Variants in RETREG1 observed in about 807,000 individuals in gnomAD.
RETREG1 encodes family with sequence similarity 134 member B.
RETREG1 carries 44 observed loss-of-function variants against 54.8 expected under a neutral mutation model. The observed-to-expected ratio is 0.80, with a 90% CI of 0.63 to 1.03. RETREG1 has a LOEUF of 1.03. Ranked by LOEUF, RETREG1 falls within the 50% of genes least tolerant of loss-of-function variation. The pLI is 0.00. For synonymous variants in RETREG1, 217 were observed against 238.5 expected (o/e 0.91, Z 0.83); for missense variants, 554 against 605.1 (o/e 0.92, Z 0.89).
chr5:16,587,320 G>A (rs1411576355), intron 1 of RETREG1, among the ~76,000 whole-genome samples: 2 of 152,186 alleles, frequency 1.3e-5, no homozygotes. Context: ...TAAACAACAT[G>A]ATGAATTTAG....
intron 3 of RETREG1, among the ~76,000 whole-genome samples, chr5:16,501,020 G>C (rs1739690363): frequency 1.3e-5 from 2 of 152,082 alleles, no homozygotes; most frequent in African/African-American, 4.8e-5. Context: ...TTTTCTCTAG[G>C]GGTAAACCAC....
Position 16,579,262 on chromosome 5 carries a change from AACCTATTTT to A in RETREG1, c.321-7169_321-7161del, listed in dbSNP as rs1282598034. On this transcript the variant is annotated intron_variant, in intron 1 of 8. Coordinates refer to ENST00000306320, the MANE Select transcript of RETREG1 (RefSeq NM_001034850.3). ...TCCCTTCAGGAAGGGATCGTCATTA[AACCTATTTT>A]ACAGAAGAGCAAAGAGGCTCAGAAA... Among the ~76,000 whole-genome samples the A allele has an allele frequency of 2.0e-5, 3 of 152,148 alleles. No homozygotes were observed. In the East Asian group the frequency reaches 5.8e-4, roughly 29 times the overall value.
intron 3 of RETREG1, among the ~76,000 whole-genome samples, chr5:16,512,553 T>G (rs902247192): frequency 4.6e-5 from 7 of 152,104 alleles, no homozygotes; most frequent in Non-Finnish European, 7.4e-5. Context: ...CTTGACACCT[T>G]TTTCCCCTTC....
chr5:16,541,341 A>G (rs1337618180), intron 3 of RETREG1, among the ~76,000 whole-genome samples: 1 of 152,212 alleles, frequency 6.6e-6, no homozygotes, highest in Non-Finnish European at 1.5e-5. Context: ...CAAATGGACC[A>G]AGACAATTCA....
intron 3 of RETREG1, among the ~76,000 whole-genome samples, chr5:16,541,187 T>C (rs1253494517): frequency 6.6e-6 from 1 of 152,206 alleles, no homozygotes; most frequent in Non-Finnish European, 1.5e-5. Flanking sequence ...ACAGGGTCTT[T>C]GGGGAAATGA....
intron 1 of RETREG1, among the ~76,000 whole-genome samples, chr5:16,609,882 A>G (rs893832439): frequency 6.6e-6 from 1 of 152,212 alleles, no homozygotes; most frequent in Non-Finnish European, 1.5e-5. Context: ...TGGAGAAGAC[A>G]GCTCACAATT....
intron 3 of RETREG1, among the ~76,000 whole-genome samples, chr5:16,559,230 C>T (rs1343784720): frequency 2.0e-5 from 3 of 152,240 alleles, no homozygotes; most frequent in Non-Finnish European, 4.4e-5. Context: ...CAGGGCCACA[C>T]AACTGCTTCT....
At chr5:16,596,891 G>A (rs1055392033) in intron 1 of RETREG1, among the ~76,000 whole-genome samples, 1 of 152,294 alleles carries the variant, frequency 6.6e-6, no homozygotes, top group Admixed American at 6.5e-5. Context: ...GGCCTTGGAA[G>A]TACAAAAGGC....
intron 5 of RETREG1, among the ~76,000 whole-genome samples, chr5:16,479,782 A>G (rs1303184595): frequency 1.3e-5 from 2 of 152,154 alleles, no homozygotes; most frequent in East Asian, 3.9e-4. Context: ...ATATTTTAAA[A>G]TAAGAGCTAC....
intron 3 of RETREG1, among the ~76,000 whole-genome samples, chr5:16,541,692 AAGAAGAAAAGAAAAG>A (rs1741249381): frequency 6.6e-6 from 1 of 151,166 alleles, no homozygotes; most frequent in Non-Finnish European, 1.5e-5. Flanking sequence ...ATCAGAAAGT[AAGAAGAAAAGAAAAG>A]AGAAGAAAAG....
chr5:16,600,021 G>A (rs1579721033), intron 1 of RETREG1, among the ~76,000 whole-genome samples: 1 of 152,082 alleles, frequency 6.6e-6, no homozygotes, highest in South Asian at 2.1e-4. Context: ...GCAGGGGCGA[G>A]GACAGGTGTG....
At chr5:16,610,433 G>A (rs1743309250) in intron 1 of RETREG1, among the ~76,000 whole-genome samples, 1 of 152,098 alleles carries the variant, frequency 6.6e-6, no homozygotes, top group Non-Finnish European at 1.5e-5. Flanking sequence ...TCCAACCATG[G>A]GTCCAAAACC....
At chr5:16,512,464 T>C (rs1368416748) in intron 3 of RETREG1, among the ~76,000 whole-genome samples, 1 of 152,198 alleles carries the variant, frequency 6.6e-6, no homozygotes, top group Non-Finnish European at 1.5e-5. Flanking sequence ...TAAATGGACA[T>C]TTTTATTCTC....
chr5:16,534,080 G>A (rs574393975), intron 3 of RETREG1, among the ~76,000 whole-genome samples: 9 of 151,090 alleles, frequency 6.0e-5, no homozygotes, highest in Non-Finnish European at 7.4e-5. Flanking sequence ...AAAGTCCCTC[G>A]AGAGGTCTGA....
intron 3 of RETREG1, among the ~76,000 whole-genome samples, chr5:16,488,237 T>C (rs1412844783): frequency 6.6e-6 from 1 of 152,182 alleles, no homozygotes; most frequent in Non-Finnish European, 1.5e-5. Flanking sequence ...CCAACCCACC[T>C]GAAACAAAGA....
At chr5:16,586,777 C>A (rs1489232991) in intron 1 of RETREG1, among the ~76,000 whole-genome samples, 1 of 152,192 alleles carries the variant, frequency 6.6e-6, no homozygotes, top group Non-Finnish European at 1.5e-5. Flanking sequence ...GCTGCTGTAA[C>A]AAAATACCAC....
At position 16,483,462 on chromosome 5, in the gene RETREG1, T is replaced by C. The variant is rs1207478755; in HGVS notation, c.469A>G (p.Ile157Val). ...WRSLSESWEV[I>V]NSKPDERPRL... ...GGTCTTTCATCTGGTTTGGAATTGA[T>C]AACTTCCCAGCTAAAGAGACAAAAA... The change falls in exon 4 of 9, where the codon ATC (isoleucine) becomes GTC (valine). Residue 157 changes from isoleucine to valine, a missense_variant. Ile to Val is a conservative substitution (Grantham distance 29). Coordinates refer to ENST00000306320, the MANE Select transcript of RETREG1 (RefSeq NM_001034850.3). The C allele has an allele frequency of 3.7e-6, 6 of 1,613,056 alleles. No individual in the cohort carries two copies. The highest frequency in any genetic ancestry group is 1.3e-5 in the African/African-American group (1 of 74,878).
intron 3 of RETREG1, among the ~76,000 whole-genome samples, chr5:16,528,580 G>C (rs1454519408): frequency 6.6e-6 from 1 of 152,142 alleles, no homozygotes; most frequent in East Asian, 1.9e-4. Flanking sequence ...GGTGATAGCA[G>C]GGGGTTCTGA....
At chr5:16,540,079 A>T (rs917930698) in intron 3 of RETREG1, among the ~76,000 whole-genome samples, 15 of 152,214 alleles carry the variant, frequency 9.9e-5, no homozygotes, top group African/African-American at 2.7e-4. Context: ...ATAGGAATAC[A>T]GACACTCAGT....
Sources: allele counts gnomAD v4.1 joint callset (sites outside exome capture counted in the v4.1 genomes callset), GRCh38; gene constraint gnomAD v4.1.1; transcripts MANE v1.5; gene names NCBI Gene and HGNC (gene_info 2026-07-23, HGNC 2026-07-21).